TGFBR3: variants seen among roughly 807,000 people sequenced by gnomAD.
TGFBR3 encodes transforming growth factor beta receptor type 3.
A neutral mutation model predicts 87.9 loss-of-function variants in TGFBR3; 46 were observed. The ratio of observed to expected loss-of-function variants is 0.52; its 90% CI spans 0.41 to 0.67. The LOEUF (loss-of-function observed/expected upper bound fraction) is 0.67. TGFBR3 is among the 30% of genes least tolerant of loss of function. TGFBR3 has a pLI of 0.00. For missense variants in TGFBR3, 866 were observed against 1,041.9 expected (o/e 0.83, Z 2.32); for synonymous variants, 381 against 391.6 (o/e 0.97, Z 0.32).
At chr1:91,832,369 AT>A (rs5776122) in intron 2 of TGFBR3, among the ~76,000 whole-genome samples, 709 of 151,962 alleles carry the variant, frequency 4.7e-3, no homozygotes, top group Non-Finnish European at 8.4e-3. Flanking sequence ...TTAAATTTGC[AT>A]TTTTTCCCCA....
At chr1:91,727,880 C>T (rs1672604150) in intron 6 of TGFBR3, 74 bp from the exon 7 acceptor site, 1 of 1,562,176 alleles carries the variant, frequency 6.4e-7, no homozygotes, top group African/African-American at 1.4e-5. Context: ...TCTTCCAAGT[C>T]TTCATGTTTC....
At chr1:91,902,271 TTGTGTGTGTG>T (rs200355608) in intron 1 of TGFBR3, among the ~76,000 whole-genome samples, 2 of 148,246 alleles carry the variant, frequency 1.3e-5, no homozygotes, top group Non-Finnish European at 3.0e-5. Flanking sequence ...TCCTTTTCTT[TTGTGTGTGTG>T]TGTGTGTGTG....
intron 2 of TGFBR3, among the ~76,000 whole-genome samples, chr1:91,833,007 CAA>C (rs1394507596): frequency 1.4e-4 from 14 of 98,844 alleles, no homozygotes; most frequent in Admixed American, 2.3e-4. Flanking sequence ...GAATCTGTCT[CAA>C]AAAAAAAAAA....
Position 91,749,696 on chromosome 1 carries a change from C to T in TGFBR3, c.384+8917G>A, listed in dbSNP as rs114994684. 2.9e-3 allele frequency among the ~76,000 whole-genome samples: 434 copies of T among 151,870 alleles called. 2 individuals are homozygous for T. The highest frequency in any genetic ancestry group is 3.8e-3 in the Non-Finnish European group (258 of 67,890). ...GTAGGTCACCTGTGGAGAACCCTTA[C>T]CAAAGGCATCACTGTCTATAATTTA... is the stretch of plus-strand genomic sequence containing the variant. On this transcript the variant is annotated intron_variant, in intron 4 of 16. Coordinates refer to ENST00000212355, the MANE Select transcript of TGFBR3 (RefSeq NM_003243.5).
chr1:91,838,776 T>C (rs936967966), intron 2 of TGFBR3, among the ~76,000 whole-genome samples: 1 of 151,988 alleles, frequency 6.6e-6, no homozygotes, highest in Non-Finnish European at 1.5e-5. Context: ...GCCGCAAATC[T>C]CTTTTCTTGT....
At chr1:91,781,195 C>T (rs1395292692) in intron 3 of TGFBR3, among the ~76,000 whole-genome samples, 1 of 152,156 alleles carries the variant, frequency 6.6e-6, no homozygotes, top group African/African-American at 2.4e-5. Flanking sequence ...GTAATAATAT[C>T]GTTTCAGTTC....
In TGFBR3 at chr1:91,786,163, T is replaced by A. The variant is rs1218904463; in HGVS notation, c.246+11124A>T. On this transcript the variant is annotated intron_variant, in intron 3 of 16. Transcript: ENST00000212355. ...TAGGTGCTAAAGACATAAAAATGAG[T>A]AAGAATCTGGCAGAGCACCTACCTA... 1.1e-5 allele frequency: 5 copies of A among 455,748 alleles called. 1 individual carries two copies. The highest frequency in any genetic ancestry group is 7.8e-5 in the South Asian group (5 of 64,376). 28.2% of individuals were successfully genotyped at this position (455,748 alleles called of 1,614,324 possible). A position where few individuals can be genotyped will look rare whatever the true frequency, so the allele number is the denominator to read the frequency against.
At chr1:91,821,186 C>T (rs148780945) in intron 2 of TGFBR3, among the ~76,000 whole-genome samples, 108 of 151,848 alleles carry the variant, frequency 7.1e-4, no homozygotes, top group African/African-American at 2.6e-3. Context: ...AAACATTAGC[C>T]AGGTATGGTG....
In TGFBR3 at chr1:91,797,295, G is replaced by C. The variant is rs1675426052; in HGVS notation, c.238C>G (p.Gln80Glu). Residue 80 changes from glutamine to glutamate, a missense_variant, in exon 3 of 17, where the codon CAG (glutamine) becomes GAG (glutamate). Coordinates refer to ENST00000212355, the MANE Select transcript of TGFBR3 (RefSeq NM_003243.5). ...RTAGQGPGQL[Q>E]REVTLHLNPI... ...CTGACACCTGCACCTACCTCTCTCTGTAGCTGGCCAGGCCCCTGGCCTGCA... is the reference window on the plus strand; with the variant it reads ...CTGACACCTGCACCTACCTCTCTCTCTAGCTGGCCAGGCCCCTGGCCTGCA... 6.2e-7 allele frequency: 1 copy of C among 1,614,168 alleles called. No individual in the cohort carries two copies.
chr1:91,905,997 TAAAG>T (rs992631721), exon 1 of TGFBR3: 13 of 152,016 alleles, frequency 8.6e-5, no homozygotes, highest in Non-Finnish European at 1.6e-4. Context: ...CTACAAATCT[TAAAG>T]AAATAAATTT....
chr1:91,850,302 A>G (rs1474406767), intron 2 of TGFBR3, among the ~76,000 whole-genome samples: 1 of 152,092 alleles, frequency 6.6e-6, no homozygotes, highest in African/African-American at 2.4e-5. Flanking sequence ...TCTGTCCTCT[A>G]ATTAACTCAA....
chr1:91,898,097 GA>G (rs1679590270), intron 2 of TGFBR3, among the ~76,000 whole-genome samples: 1 of 150,684 alleles, frequency 6.6e-6, no homozygotes, highest in African/African-American at 2.4e-5. Context: ...GAAAGTACAG[GA>G]AAAAAAGAAA....
chr1:91,722,101 A>T lies in TGFBR3; in HGVS notation c.929T>A (p.Met310Lys). 1 of 1,613,960 alleles carries T rather than the reference A, an allele frequency of 6.2e-7. No individual in the cohort carries two copies. Among genetic ancestry groups the T allele is most frequent in the Non-Finnish European group, 8.5e-7 (1 of 1,179,928 alleles). The change falls in exon 8 of 17, where the codon ATG (methionine) becomes AAG (lysine). Residue 310 changes from methionine to lysine, a missense_variant. Coordinates refer to ENST00000212355, the MANE Select transcript of TGFBR3 (RefSeq NM_003243.5). Reference protein sequence around the residue: ...IGFGKESERSMTMTKSIRDDI... With the variant: ...IGFGKESERSKTMTKSIRDDI... ...ATCTCTTATTGATTTGGTCATTGTC[A>T]TAGATCTTTCACTCTCTTTTCCAAA... is the stretch of plus-strand genomic sequence containing the variant.
chr1:91,680,974 C>T lies in TGFBR3; in HGVS notation c.*2765G>A, dbSNP rs1274582500. 1 of 453,912 alleles carries T rather than the reference C, an allele frequency of 2.2e-6. No homozygotes were observed. The highest frequency in any genetic ancestry group is 2.0e-5 in the African/African-American group (1 of 49,964). 28.1% of individuals were successfully genotyped at this position (453,912 alleles called of 1,614,324 possible). A position where few individuals can be genotyped will look rare whatever the true frequency, so the allele number is the denominator to read the frequency against. On this transcript the variant is annotated 3_prime_UTR_variant, in exon 17 of 17. Transcript: ENST00000212355. ...AACACCACATGGTGAAAAGCTATAG[C>T]GTATTATACAGACAATCTGCCTTGG...
chr1:91,785,773 T>C lies in TGFBR3; in HGVS notation c.246+11514A>G, dbSNP rs1674934927. Among the ~76,000 whole-genome samples, 2 of 151,644 alleles carry C rather than the reference T, an allele frequency of 1.3e-5. 1 individual carries two copies. Among genetic ancestry groups the C allele is most frequent in the South Asian group, 4.2e-4 (2 of 4,800 alleles). Reference sequence around the variant, plus strand: ...CCCTTTGTTGGGCTTCTGTACTTTTTTTTTTTTTTTTTTAGACAGCGTCTC... The same window carrying C: ...CCCTTTGTTGGGCTTCTGTACTTTTCTTTTTTTTTTTTTAGACAGCGTCTC... On this transcript the variant is annotated intron_variant, in intron 3 of 16. Coordinates refer to ENST00000212355, the MANE Select transcript of TGFBR3 (RefSeq NM_003243.5).
intron 14 of TGFBR3, among the ~76,000 whole-genome samples, chr1:91,703,676 T>C (rs780992812): frequency 2.6e-5 from 4 of 152,172 alleles, no homozygotes; most frequent in Non-Finnish European, 4.4e-5. Context: ...TAAGCCCAAG[T>C]GTTCTCAAAT....
At chr1:91,798,275 C>T (rs1675465144) in intron 2 of TGFBR3, among the ~76,000 whole-genome samples, 1 of 152,192 alleles carries the variant, frequency 6.6e-6, no homozygotes, top group Non-Finnish European at 1.5e-5. Flanking sequence ...CTCAATGTTA[C>T]GGGTGTTCCC....
intron 4 of TGFBR3, among the ~76,000 whole-genome samples, chr1:91,738,002 T>C (rs185627945): frequency 6.6e-6 from 1 of 152,320 alleles, no homozygotes. Context: ...CTCCCTGACA[T>C]GTATGGGTTC....
chr1:91,691,103 T>A (rs1490675304), intron 16 of TGFBR3, among the ~76,000 whole-genome samples: 1 of 150,756 alleles, frequency 6.6e-6, no homozygotes, highest in Non-Finnish European at 1.5e-5. Flanking sequence ...AAGATAAAGA[T>A]GAGACAATCT....
Sources: allele counts gnomAD v4.1 joint callset (sites outside exome capture counted in the v4.1 genomes callset), GRCh38; gene constraint gnomAD v4.1.1; transcripts MANE v1.5; gene names NCBI Gene and HGNC (gene_info 2026-07-23, HGNC 2026-07-21).